The following ZMYM2 variants were observed in gnomAD, a reference collection of about 807,000 sequenced individuals.
The protein encoded by ZMYM2 is zinc finger MYM-type containing 2, also known as zinc finger MYM-type protein 2.
A neutral mutation model predicts 162.8 loss-of-function variants in ZMYM2; 56 were observed. The ratio of observed to expected loss-of-function variants is 0.34; its 90% confidence interval spans 0.28 to 0.43. The LOEUF (loss-of-function observed/expected upper bound fraction) is 0.43. ZMYM2 is among the 20% of genes least tolerant of loss of function. ZMYM2 has a pLI of 1.00. For synonymous variants in ZMYM2, 510 were observed against 541.6 expected (o/e 0.94, Z 0.81); for missense variants, 1,275 against 1,621.8 (o/e 0.79, Z 3.67).
chr13:19,965,144 G>T, intron 2 of ZMYM2: 1 of 813,634 alleles, frequency 1.2e-6, no homozygotes, highest in Non-Finnish European at 1.7e-6. Flanking sequence ...GGGATGCACA[G>T]TTAGAAGTTG....
chr13:19,882,552 G>A, the ZMYM2 span, among the ~76,000 whole-genome samples: 17 of 152,168 alleles, frequency 1.1e-4, no homozygotes, highest in Middle Eastern at 3.4e-3. Flanking sequence ...TTTGAGACCA[G>A]CCTGGGCAAC....
At chr13:19,884,798 T>C in the ZMYM2 span, among the ~76,000 whole-genome samples, 1 of 151,894 alleles carries the variant, frequency 6.6e-6, no homozygotes, top group Non-Finnish European at 1.5e-5. Context: ...AAAAACAAAA[T>C]CTTCAACAAG....
the ZMYM2 span, among the ~76,000 whole-genome samples, chr13:19,936,548 C>T: frequency 2.6e-5 from 4 of 151,934 alleles, no homozygotes; most frequent in Admixed American, 2.6e-4. Flanking sequence ...ATGGCGAAAC[C>T]CTGTCTCTAC....
the ZMYM2 span, among the ~76,000 whole-genome samples, chr13:19,868,076 TTC>T: frequency 1.3e-5 from 2 of 152,206 alleles, no homozygotes; most frequent in Non-Finnish European, 2.9e-5. Flanking sequence ...TAGGTAACAT[TTC>T]TCTTTTTCAT....
At chr13:20,052,368 A>G in intron 14 of ZMYM2, 57 bp downstream of exon 14, 1 of 1,480,268 alleles carries the variant, frequency 6.8e-7, no homozygotes, top group Non-Finnish European at 9.1e-7. Context: ...GGGGTAAAAA[A>G]TAATTAGGCC....
At chr13:19,892,941 A>C in the ZMYM2 span, among the ~76,000 whole-genome samples, 9 of 150,936 alleles carry the variant, frequency 6.0e-5, no homozygotes, top group Non-Finnish European at 1.2e-4. Flanking sequence ...TCTTGAACTC[A>C]TGACCTCGTG....
At chr13:19,922,172 C>G in the ZMYM2 span, among the ~76,000 whole-genome samples, 918 of 152,156 alleles carry the variant, frequency 6.0e-3, 4 homozygotes, top group Middle Eastern at 0.017. Context: ...GCCTCGGCCT[C>G]CCAAAGTGCT....
intron 12 of ZMYM2, among the ~76,000 whole-genome samples, chr13:20,040,637 T>G (rs1313259690): frequency 6.6e-6 from 1 of 152,222 alleles, no homozygotes; most frequent in East Asian, 1.9e-4. Context: ...TTTCTTGTCT[T>G]CTGCTAGCTT....
chr13:19,946,960 T>C, the ZMYM2 span, among the ~76,000 whole-genome samples: 1 of 151,638 alleles, frequency 6.6e-6, no homozygotes, highest in African/African-American at 2.4e-5. Flanking sequence ...GTGTGCTGCC[T>C]CTCTCAAGAA....
chr13:19,879,872 G>A, the ZMYM2 span, among the ~76,000 whole-genome samples: 2 of 152,198 alleles, frequency 1.3e-5, no homozygotes, highest in African/African-American at 2.4e-5. Flanking sequence ...TCAGGAGATT[G>A]AGTAAAGATT....
At position 20,032,599 on chromosome 13, in the gene ZMYM2, C is replaced by CTTT. The variant is rs57294389; in HGVS notation, c.1968+1189_1968+1191dup. ...CTGGATTACATGATTTTTTTTCTGT[C>CTTT]TTTTTTTTTTTTTTTTTTTTTTTTT... On this transcript the variant is annotated intron_variant, in intron 10 of 24. Transcript: ENST00000610343. Among the ~76,000 whole-genome samples, 438 of 66,036 alleles carry CTTT rather than the reference C, an allele frequency of 6.6e-3. 71 individuals carry two copies. The highest frequency in any genetic ancestry group is 0.027 in the African/African-American group (395 of 14,756). The allele number at this position is 66,036 out of a possible 152,430, so 43.3% of individuals were successfully genotyped here. A position where few individuals can be genotyped will look rare whatever the true frequency, so the allele number is the denominator to read the frequency against.
intron 22 of ZMYM2, 104 bp downstream of exon 22, chr13:20,082,234 C>A: frequency 2.3e-6 from 2 of 883,522 alleles, no homozygotes; most frequent in Non-Finnish European, 3.4e-6. Context: ...AATTAGATAA[C>A]ATTTTCTGAA....
intron 2 of ZMYM2, among the ~76,000 whole-genome samples, chr13:19,974,161 A>G (rs948965381): frequency 5.9e-5 from 9 of 151,648 alleles, no homozygotes; most frequent in African/African-American, 2.2e-4. Context: ...TGAGAAGGAA[A>G]ACTCACTCTT....
At chr13:19,966,901 T>C (rs1046809810) in intron 2 of ZMYM2, among the ~76,000 whole-genome samples, 3 of 152,230 alleles carry the variant, frequency 2.0e-5, no homozygotes, top group Admixed American at 1.3e-4. Flanking sequence ...TAGTCCTGTT[T>C]CTTAGCCAAA....
the ZMYM2 span, among the ~76,000 whole-genome samples, chr13:19,909,373 C>T: frequency 6.6e-6 from 1 of 151,156 alleles, no homozygotes; most frequent in Non-Finnish European, 1.5e-5. Flanking sequence ...AACTTTCCTT[C>T]TGGCTGTTGT....
chr13:19,982,797 G>A (rs1957467577), intron 2 of ZMYM2, among the ~76,000 whole-genome samples: 2 of 152,108 alleles, frequency 1.3e-5, no homozygotes, highest in South Asian at 4.1e-4. Flanking sequence ...GCTTCCTGTG[G>A]ATTCAGTGTT....
upstream of ZMYM2, among the ~76,000 whole-genome samples, chr13:19,956,041 A>T (rs1954507842): frequency 6.6e-6 from 1 of 152,244 alleles, no homozygotes; most frequent in South Asian, 2.1e-4. Flanking sequence ...TATGCTGTTC[A>T]GAGGTTTTTA....
the ZMYM2 span, among the ~76,000 whole-genome samples, chr13:19,885,941 A>ATGTGTG: frequency 6.4e-3 from 772 of 121,082 alleles, 271 homozygotes; most frequent in Admixed American, 0.014. Flanking sequence ...ATACACATAT[A>ATGTGTG]TATGTATATA....
intron 2 of ZMYM2, among the ~76,000 whole-genome samples, chr13:19,978,795 T>C (rs570556504): frequency 1.3e-5 from 2 of 152,286 alleles, no homozygotes; most frequent in African/African-American, 4.8e-5. Context: ...ACCGCTGACT[T>C]TTCTGTTTTA....
Sources: allele counts gnomAD v4.1 joint callset (sites outside exome capture counted in the v4.1 genomes callset), GRCh38; gene constraint gnomAD v4.1.1; transcripts MANE v1.5; gene names NCBI Gene and HGNC (gene_info 2026-07-23, HGNC 2026-07-21).